Variants in MICAL3 observed in about 807,000 individuals in gnomAD.
MICAL3 encodes the protein microtubule associated monooxygenase, calponin and LIM domain containing 3.
In MICAL3, 62 loss-of-function variants were observed where a neutral mutation model predicts 207.4. The observed-to-expected ratio is 0.30, with a 90% CI of 0.24 to 0.37. MICAL3 has a LOEUF of 0.37. Ranked by LOEUF, MICAL3 falls within the 10% of genes least tolerant of loss-of-function variation. The pLI is 1.00. For synonymous variants in MICAL3, 1,077 were observed against 1,069.3 expected, an observed-to-expected ratio of 1.01 and a Z score of -0.14; for missense variants, 2,368 against 2,635.6, an observed-to-expected ratio of 0.90 and a Z score of 2.22.
At chr22:17,868,785 G>A (rs567452951) in intron 17 of MICAL3, among the ~76,000 whole-genome samples, 2 of 152,136 alleles carry the variant, frequency 1.3e-5, no homozygotes, top group Admixed American at 1.3e-4. Context: ...ACCCAGGCCC[G>A]AGTGCCACTG....
At chr22:17,890,790 A>G (rs1317811889) in intron 12 of MICAL3, among the ~76,000 whole-genome samples, 1 of 152,228 alleles carries the variant, frequency 6.6e-6, no homozygotes. Flanking sequence ...CTGCTTCTGA[A>G]TCCTTCGGTT....
At chr22:17,949,901 G>A (rs1934249944) in intron 1 of MICAL3, among the ~76,000 whole-genome samples, 1 of 152,234 alleles carries the variant, frequency 6.6e-6, no homozygotes, top group Non-Finnish European at 1.5e-5. Context: ...CCTGGGTAGG[G>A]CCAGAGATGC....
intron 17 of MICAL3, among the ~76,000 whole-genome samples, chr22:17,871,132 T>TG (rs1218524825): frequency 6.6e-6 from 1 of 152,192 alleles, no homozygotes; most frequent in Non-Finnish European, 1.5e-5. Context: ...GGAATGGGGC[T>TG]GGGGGTCCTC....
intron 16 of MICAL3, chr22:17,875,691 A>T: frequency 2.1e-6 from 1 of 467,458 alleles, no homozygotes; most frequent in East Asian, 4.7e-5. Context: ...GTAAAAAAAA[A>T]AAAAAAAAAA....
chr22:17,871,802 T>A, intron 17 of MICAL3, 35 bp downstream of exon 17: 1 of 1,559,918 alleles, frequency 6.4e-7, no homozygotes, highest in Non-Finnish European at 8.7e-7. Flanking sequence ...CCAAGCACAG[T>A]TTCTCAGTGG....
At chr22:17,935,924 CAATA>C (rs997649689) in intron 1 of MICAL3, among the ~76,000 whole-genome samples, 5 of 152,122 alleles carry the variant, frequency 3.3e-5, no homozygotes, top group African/African-American at 1.2e-4. Context: ...AGTCAGGAAA[CAATA>C]GATGCTGGAG....
Position 17,818,429 on chromosome 22 carries a change from T to C in MICAL3, c.4232A>G (p.Glu1411Gly). The change falls in exon 26 of 32, where the codon GAG becomes GGG. Residue 1411 changes from glutamate to glycine, a missense_variant. Physicochemically the swap from Glu to Gly is moderately conservative, Grantham distance 98. Transcript: ENST00000441493. ...LPTPRSPSDR[E>G]LRSAQEERRE... ...GCGCTCCTCCTGGGCGCTGCGTAGCTCTCTGTCGGACGGGGACCGGGGGGT... is the reference window on the plus strand; with the variant it reads ...GCGCTCCTCCTGGGCGCTGCGTAGCCCTCTGTCGGACGGGGACCGGGGGGT... The C allele has an allele frequency of 6.2e-7, 1 of 1,612,602 alleles. No individual in the cohort carries two copies. The highest frequency in any genetic ancestry group is 8.5e-7 in the Non-Finnish European group (1 of 1,179,856).
In MICAL3 at chr22:17,789,190, A is replaced by C. The variant is rs943532591; in HGVS notation, c.*1542T>G. The C allele has an allele frequency of 1.2e-4, 13 of 105,094 alleles. No homozygotes were observed. The highest frequency in any genetic ancestry group is 4.9e-4 in the Admixed American group (6 of 12,346). 6.5% of individuals were successfully genotyped at this position (105,094 alleles called of 1,614,324 possible). A position where few individuals can be genotyped will look rare whatever the true frequency, so the allele number is the denominator to read the frequency against. Reference sequence around the variant, plus strand: ...CAGGTGCCCGTCGCCTTCGGAAGGAAGGGCGGGAGTCGCTGATCTGCTTGA... The same window carrying C: ...CAGGTGCCCGTCGCCTTCGGAAGGACGGGCGGGAGTCGCTGATCTGCTTGA... On this transcript the variant is annotated 3_prime_UTR_variant, in exon 32 of 32. Transcript: ENST00000441493.
At chr22:17,954,474 G>A (rs1934516092) in intron 1 of MICAL3, among the ~76,000 whole-genome samples, 1 of 152,192 alleles carries the variant, frequency 6.6e-6, no homozygotes, top group Admixed American at 6.5e-5. Context: ...CCTGGGGCAT[G>A]GGGAGGGTAG....
At chr22:17,881,429 A>G in intron 16 of MICAL3, 1 of 731,044 alleles carries the variant, frequency 1.4e-6, no homozygotes, top group Non-Finnish European at 2.3e-6. Flanking sequence ...TTGCCCCTCC[A>G]TCCTCAGAGG....
intron 16 of MICAL3, among the ~76,000 whole-genome samples, chr22:17,874,490 G>C (rs1479575193): frequency 1.3e-5 from 2 of 152,016 alleles, no homozygotes; most frequent in Non-Finnish European, 2.9e-5. Context: ...CTTTTCTCCT[G>C]AACTAAACCA....
chr22:17,952,819 C>T (rs1009469325), intron 1 of MICAL3, among the ~76,000 whole-genome samples: 17 of 152,216 alleles, frequency 1.1e-4, no homozygotes, highest in African/African-American at 3.6e-4. Flanking sequence ...AGCCTCGGTT[C>T]GATCCCAGCT....
At chr22:17,844,733 T>C (rs73384570) in intron 19 of MICAL3, among the ~76,000 whole-genome samples, 1,939 of 152,296 alleles carry the variant, frequency 0.013, 53 homozygotes, top group African/African-American at 0.044. Context: ...TTAAACATCA[T>C]GCTCCATTCT....
chr22:17,858,097 T>C (rs956222081), intron 19 of MICAL3, among the ~76,000 whole-genome samples: 1 of 152,210 alleles, frequency 6.6e-6, no homozygotes. Context: ...CCGGAAGTAA[T>C]TGATGGAGAG....
At chr22:17,998,886 T>C (rs1030853856) in intron 1 of MICAL3, among the ~76,000 whole-genome samples, 4 of 152,202 alleles carry the variant, frequency 2.6e-5, no homozygotes, top group African/African-American at 7.2e-5. Flanking sequence ...CCAGGCCCCA[T>C]AATATTATGG....
At position 17,900,501 on chromosome 22, in the gene MICAL3, C is replaced by A. The variant is rs1348329860; in HGVS notation, c.847+341G>T. Among the ~76,000 whole-genome samples, 2 of 152,094 alleles carry A rather than the reference C, an allele frequency of 1.3e-5. No homozygotes were observed. The highest frequency in any genetic ancestry group is 1.9e-4 in the East Asian group (1 of 5,188). ...CCTGTAGTCCCAGCTACTCAGGAGG[C>A]TGAGATGGGAGGATCACTTGAGCCC... is the stretch of plus-strand genomic sequence containing the variant. On this transcript the variant is annotated intron_variant, in intron 6 of 31. Transcript: ENST00000441493. This position sits in a 1 kb window ranked among gnomAD's most constrained non-coding sequence, Gnocchi z 4.0.
chr22:17,793,028 T>C lies in MICAL3; in HGVS notation c.5651-1727A>G, dbSNP rs2061840204. On this transcript the variant is annotated intron_variant, in intron 29 of 31. Coordinates refer to ENST00000441493, the MANE Select transcript of MICAL3 (RefSeq NM_015241.3). This position sits in a 1 kb window ranked among gnomAD's most constrained non-coding sequence, Gnocchi z 4.1. ...CAGGGAGTCTCTCCCGCTGCCCACC[T>C]CCCCACGAAGATACAGAAAATGCCA... Among the ~76,000 whole-genome samples the C allele has an allele frequency of 6.6e-6, 1 of 151,634 alleles. No individual in the cohort carries two copies. Among genetic ancestry groups the C allele is most frequent in the South Asian group, 2.1e-4 (1 of 4,800 alleles).
intron 1 of MICAL3, among the ~76,000 whole-genome samples, chr22:17,940,723 G>C (rs952029565): frequency 2.6e-5 from 4 of 152,128 alleles, no homozygotes; most frequent in Non-Finnish European, 4.4e-5. Context: ...GGCAGAAGAG[G>C]CAGTCAAAAT....
At chr22:17,803,901 G>C (rs2061963950) in intron 29 of MICAL3, 1 of 945,180 alleles carries the variant, frequency 1.1e-6, no homozygotes, top group Non-Finnish European at 1.3e-6. Context: ...TATTCCATCA[G>C]GTAGTCCTCC....
Sources: gnomAD v4.1 joint callset for allele counts (sites outside exome capture counted in the v4.1 genomes callset) on GRCh38, gnomAD v4.1.1 for gene constraint, Gnocchi (gnomAD v3.1) non-coding constraint, MANE v1.5 for transcripts, NCBI Gene and HGNC (gene_info 2026-07-23, HGNC 2026-07-21) for gene names.